Variants in NUDCD3 observed in about 807,000 individuals in gnomAD.
NUDCD3 encodes nudC domain-containing protein 3.
NUDCD3 carries 13 observed loss-of-function variants against 39.7 expected under a neutral mutation model. That is an observed-to-expected ratio of 0.33 (90% CI 0.21 to 0.52). NUDCD3 has a LOEUF of 0.52. Among genes scored for constraint, NUDCD3 ranks in the 20% least tolerant of loss-of-function variants. The pLI is 0.96. For missense variants in NUDCD3, 453 were observed against 458.1 expected (o/e 0.99, Z 0.10); for synonymous variants, 175 against 172.4 (o/e 1.02, Z -0.12).
At position 44,450,422 on chromosome 7, in the gene NUDCD3, C is replaced by T. The variant is rs145850579; in HGVS notation, c.510-22719G>A. Among the ~76,000 whole-genome samples, 565 of 152,056 alleles carry T rather than the reference C, an allele frequency of 3.7e-3. 17 individuals carry two copies. The highest frequency in any genetic ancestry group is 0.025 in the Admixed American group (388 of 15,296). ...CAAACTCCTGACCTCACATGATCCACCTAACTCGGCCTCCCAAAGTGCTGG... is the reference window on the plus strand; with the variant it reads ...CAAACTCCTGACCTCACATGATCCATCTAACTCGGCCTCCCAAAGTGCTGG... On this transcript the variant is annotated intron_variant, in intron 2 of 5. Transcript: ENST00000355451.
intron 4 of NUDCD3, among the ~76,000 whole-genome samples, chr7:44,396,010 C>T (rs201058469): frequency 3.3e-5 from 5 of 152,132 alleles, no homozygotes; most frequent in Admixed American, 2.0e-4. Flanking sequence ...AAAGCAGCTG[C>T]ACCACTTTAC....
intron 2 of NUDCD3, among the ~76,000 whole-genome samples, chr7:44,451,298 A>G (rs562332979): frequency 6.6e-4 from 101 of 152,314 alleles, no homozygotes; most frequent in African/African-American, 2.3e-3. Context: ...ATAGAGACAG[A>G]AAGTAGAATG....
At chr7:44,397,957 A>G (rs1344991403) in intron 4 of NUDCD3, among the ~76,000 whole-genome samples, 2 of 152,040 alleles carry the variant, frequency 1.3e-5, no homozygotes, top group Non-Finnish European at 2.9e-5. Context: ...TGATTAACTC[A>G]TGTGTGCACA....
chr7:44,402,169 C>T (rs778963937), intron 4 of NUDCD3, among the ~76,000 whole-genome samples: 58 of 152,352 alleles, frequency 3.8e-4, no homozygotes, highest in Non-Finnish European at 7.3e-4. Context: ...CTACCCGCTT[C>T]GCAAGCTACT....
chr7:44,418,090 G>C (rs1799061015), intron 3 of NUDCD3, among the ~76,000 whole-genome samples: 1 of 152,154 alleles, frequency 6.6e-6, no homozygotes, highest in African/African-American at 2.4e-5. Flanking sequence ...CCTATTTCAA[G>C]TGGCCCCTGG....
chr7:44,387,729 T>C (rs1044163696), intron 5 of NUDCD3, among the ~76,000 whole-genome samples: 6 of 152,298 alleles, frequency 3.9e-5, no homozygotes, highest in South Asian at 4.1e-4. Context: ...GGCAGATTAG[T>C]AGACTTGATC....
rs116081523 is a variant in NUDCD3, at chr7:44,454,772, A to T, written c.510-27069T>A. ...TGAGACCCTATCTCTACCAAAAAAA[A>T]TTTTTTTTTAATTAGCCAGGCACAC... On this transcript the variant is annotated intron_variant, in intron 2 of 5. Coordinates refer to ENST00000355451, the MANE Select transcript of NUDCD3 (RefSeq NM_015332.4). Among the ~76,000 whole-genome samples, 603 of 151,846 alleles carry T rather than the reference A, an allele frequency of 4.0e-3. 6 individuals are homozygous for T. The highest frequency in any genetic ancestry group is 0.014 in the African/African-American group (565 of 41,412).
At position 44,382,061 on chromosome 7, in the gene NUDCD3, G is replaced by C. The variant is rs1452491779; in HGVS notation, c.*3950C>G. ...GCAAAGTGGGGACTTCAGGCATTTG[G>C]TGTGGAGGAATGGGTGGTGGGATTG... On this transcript the variant is annotated 3_prime_UTR_variant, in exon 6 of 6. Coordinates refer to ENST00000355451, the MANE Select transcript of NUDCD3 (RefSeq NM_015332.4). The C allele has an allele frequency of 1.3e-5, 2 of 152,164 alleles. No individual in the cohort carries two copies. The highest frequency in any genetic ancestry group is 4.8e-5 in the African/African-American group (2 of 41,428). 9.4% of individuals were successfully genotyped at this position (152,164 alleles called of 1,614,324 possible).
chr7:44,422,955 G>A (rs1585068567), intron 3 of NUDCD3, among the ~76,000 whole-genome samples: 2 of 152,270 alleles, frequency 1.3e-5, no homozygotes, highest in Admixed American at 1.3e-4. Context: ...GATCAAGTCG[G>A]CTTCATCCCT....
Position 44,380,414 on chromosome 7 carries a change from A to G in NUDCD3, c.*5597T>C, listed in dbSNP as rs1563159354. On this transcript the variant is annotated 3_prime_UTR_variant, in exon 6 of 6. Transcript: ENST00000355451. ...AGAAATGTCACCCTGGAGTCACAAA[A>G]TCCCTTCTTTGCATTACCAAAAGAG... The G allele has an allele frequency of 1.3e-5, 2 of 152,256 alleles. No homozygotes were observed. Among genetic ancestry groups the G allele is most frequent in the East Asian group, 3.9e-4 (2 of 5,182 alleles). 9.4% of individuals were successfully genotyped at this position (152,256 alleles called of 1,614,324 possible).
intron 3 of NUDCD3, among the ~76,000 whole-genome samples, chr7:44,423,655 A>G (rs1335887707): frequency 6.6e-6 from 1 of 152,220 alleles, no homozygotes; most frequent in Non-Finnish European, 1.5e-5. Flanking sequence ...ACACAAACAA[A>G]TGGAAAAAAA....
intron 2 of NUDCD3, among the ~76,000 whole-genome samples, chr7:44,482,238 T>C (rs893475351): frequency 2.0e-5 from 3 of 152,066 alleles, no homozygotes; most frequent in Admixed American, 2.0e-4. Context: ...TGCAACTCCA[T>C]GAGACAAGTA....
chr7:44,483,944 T>G (rs912400984), intron 2 of NUDCD3, among the ~76,000 whole-genome samples: 2 of 152,084 alleles, frequency 1.3e-5, no homozygotes, highest in Non-Finnish European at 2.9e-5. Context: ...AGAGTTCAAT[T>G]CATATATTGC....
At chr7:44,471,492 C>A (rs1039129160) in intron 2 of NUDCD3, among the ~76,000 whole-genome samples, 5 of 152,170 alleles carry the variant, frequency 3.3e-5, no homozygotes, top group Admixed American at 6.5e-5. Context: ...CAGTCCCACT[C>A]CCCTCCTCCT....
intron 3 of NUDCD3, among the ~76,000 whole-genome samples, chr7:44,407,655 G>C (rs372986992): frequency 9.7e-5 from 14 of 145,046 alleles, no homozygotes; most frequent in African/African-American, 3.6e-4. Context: ...AAAAAATACA[G>C]AGCTAATTTG....
intron 1 of NUDCD3, among the ~76,000 whole-genome samples, chr7:44,487,313 GC>G (rs1800631346): frequency 6.6e-6 from 1 of 152,122 alleles, no homozygotes; most frequent in South Asian, 2.1e-4. Flanking sequence ...TTAAGGGAAC[GC>G]TTTGAAGTTC....
intron 2 of NUDCD3, among the ~76,000 whole-genome samples, chr7:44,474,914 C>A (rs141067948): frequency 3.3e-5 from 5 of 152,224 alleles, no homozygotes; most frequent in Admixed American, 2.0e-4. Context: ...TGACACTGAG[C>A]CAGGTGGCCT....
rs563697438 is a variant in NUDCD3 at position 44,433,514 on chromosome 7, A to AGT, written c.510-5813_510-5812dup. Among the ~76,000 whole-genome samples, 1,245 of 152,010 alleles carry AGT rather than the reference A, an allele frequency of 8.2e-3. 8 individuals are homozygous for AGT. Among genetic ancestry groups the AGT allele is most frequent in the African/African-American group, 0.028 (1,141 of 41,456 alleles). On this transcript the variant is annotated intron_variant, in intron 2 of 5. Coordinates refer to ENST00000355451, the MANE Select transcript of NUDCD3 (RefSeq NM_015332.4). Reference sequence around the variant, plus strand: ...GTGTGTGTGGTGCATGTGGGCATGCAGTGTGTGTGTGCTATGTGCATGTGT... The same window carrying AGT: ...GTGTGTGTGGTGCATGTGGGCATGCAGTGTGTGTGTGTGCTATGTGCATGTGT...
chr7:44,387,109 C>T (rs1367413382), intron 5 of NUDCD3, among the ~76,000 whole-genome samples: 1 of 152,208 alleles, frequency 6.6e-6, no homozygotes, highest in Non-Finnish European at 1.5e-5. Flanking sequence ...TTCTCAGCAC[C>T]AGGGCTTCTC....
Sources: gnomAD v4.1 joint callset for allele counts (sites outside exome capture counted in the v4.1 genomes callset) on GRCh38, gnomAD v4.1.1 for gene constraint, MANE v1.5 for transcripts, NCBI Gene and HGNC (gene_info 2026-07-23, HGNC 2026-07-21) for gene names.